ELMO1: variants seen among roughly 807,000 people sequenced by gnomAD.
ELMO1 encodes engulfment and cell motility 1.
ELMO1 carries 26 observed loss-of-function variants against 98.9 expected under a neutral mutation model. That is an observed-to-expected ratio of 0.26 (90% confidence interval 0.19 to 0.36). The LOEUF (loss-of-function observed/expected upper bound fraction) is 0.36, where lower values mean the gene tolerates loss of function less well. Ranked by LOEUF, ELMO1 falls within the 10% of genes least tolerant of loss-of-function variation. The pLI, the probability that ELMO1 is intolerant of heterozygous loss-of-function variation, is 1.00. For synonymous variants in ELMO1, 346 were observed against 346.0 expected (o/e 1.00, Z 0.00); for missense variants, 627 against 935.2 (o/e 0.67, Z 4.30).
intron 1 of ELMO1, among the ~76,000 whole-genome samples, chr7:37,372,315 CACTA>C (rs1802149602): frequency 6.6e-6 from 1 of 152,116 alleles, no homozygotes; most frequent in Non-Finnish European, 1.5e-5. Flanking sequence ...CTGGATCTAG[CACTA>C]ACTAGCCAGG....
At chr7:36,973,847 C>G (rs964929936) in intron 16 of ELMO1, among the ~76,000 whole-genome samples, 1 of 152,258 alleles carries the variant, frequency 6.6e-6, no homozygotes, top group East Asian at 1.9e-4. Flanking sequence ...GCAGCCGGCC[C>G]TGCCGTTGCC....
At chr7:37,414,458 T>C (rs1804127296) in intron 1 of ELMO1, among the ~76,000 whole-genome samples, 1 of 152,226 alleles carries the variant, frequency 6.6e-6, no homozygotes, top group Non-Finnish European at 1.5e-5. Flanking sequence ...TCCAGGTCAC[T>C]GGCTATGGTG....
chr7:36,983,634 T>C (rs1036673263), intron 16 of ELMO1, among the ~76,000 whole-genome samples: 14 of 152,232 alleles, frequency 9.2e-5, no homozygotes, highest in African/African-American at 2.7e-4. Flanking sequence ...TTAGGGCTGC[T>C]GGAAGATTCA....
chr7:37,317,974 A>T (rs914969620), intron 2 of ELMO1, among the ~76,000 whole-genome samples: 4 of 152,220 alleles, frequency 2.6e-5, no homozygotes, highest in Admixed American at 2.0e-4. Flanking sequence ...ACAAAAGTTA[A>T]AAAAATAAAT....
intron 15 of ELMO1, among the ~76,000 whole-genome samples, chr7:37,074,058 A>C (rs2129227452): frequency 6.7e-6 from 1 of 148,830 alleles, no homozygotes; most frequent in East Asian, 1.9e-4. Flanking sequence ...AAAAGTTATA[A>C]TACAGTATAA....
chr7:36,907,825 G>A (rs1390959274), intron 16 of ELMO1, among the ~76,000 whole-genome samples: 2 of 152,112 alleles, frequency 1.3e-5, no homozygotes, highest in East Asian at 3.8e-4. Context: ...TCTTTTTTCT[G>A]CTGAACCTGG....
intron 16 of ELMO1, among the ~76,000 whole-genome samples, chr7:37,000,144 T>C (rs1488645245): frequency 6.6e-6 from 1 of 152,234 alleles, no homozygotes; most frequent in Non-Finnish European, 1.5e-5. Context: ...AGTATGTCCA[T>C]TTTATATATA....
chr7:36,943,887 T>TATAC (rs1787257817), intron 16 of ELMO1, among the ~76,000 whole-genome samples: 1 of 152,180 alleles, frequency 6.6e-6, no homozygotes, highest in Admixed American at 6.5e-5. Context: ...TGAGGGTGGA[T>TATAC]ATACACTAGA....
intron 13 of ELMO1, among the ~76,000 whole-genome samples, chr7:37,156,783 T>C (rs1029118887): frequency 6.6e-6 from 1 of 152,026 alleles, no homozygotes; most frequent in African/African-American, 2.4e-5. Context: ...TTCCAATCAA[T>C]AGAAAAACAG....
rs575709760 is a variant in ELMO1 at position 36,956,605 on chromosome 7, G to A, written c.1437+56694C>T. On this transcript the variant is annotated intron_variant, in intron 16 of 21. Transcript: ENST00000310758. ...TTATAGCTCAAAAATGCACCCAGGC[G>A]TACAAGAAAACTAATTAGACTTGAA... Among the ~76,000 whole-genome samples the A allele has an allele frequency of 2.0e-4, 31 of 152,262 alleles. 1 individual carries two copies. The highest frequency in any genetic ancestry group is 8.3e-4 in the South Asian group (4 of 4,826).
At chr7:37,418,613 A>G (rs1018481959) in intron 1 of ELMO1, among the ~76,000 whole-genome samples, 29 of 152,326 alleles carry the variant, frequency 1.9e-4, no homozygotes, top group African/African-American at 6.7e-4. Context: ...GCAACTCTGT[A>G]TCTGGTGAAT....
intron 16 of ELMO1, among the ~76,000 whole-genome samples, chr7:36,996,586 T>C (rs1056780350): frequency 6.6e-6 from 1 of 152,208 alleles, no homozygotes; most frequent in Non-Finnish European, 1.5e-5. Flanking sequence ...AGAGAATGAA[T>C]GGGAACCCAT....
In ELMO1 at chr7:37,115,571, C is replaced by G. The variant is rs940006466; in HGVS notation, c.1191+17559G>C. Among the ~76,000 whole-genome samples the G allele has an allele frequency of 9.2e-5, 14 of 152,020 alleles. 1 individual carries two copies. Among genetic ancestry groups the G allele is most frequent in the African/African-American group, 3.4e-4 (14 of 41,382 alleles). ...CTCATTCATGATAAAAAAAAACTCT[C>G]AGCAAACTAAGAATAGAGCAGTTCC... On this transcript the variant is annotated intron_variant, in intron 14 of 21. Coordinates refer to ENST00000310758, the MANE Select transcript of ELMO1 (RefSeq NM_014800.11).
chr7:37,329,461 G>T (rs1799987004), intron 2 of ELMO1, among the ~76,000 whole-genome samples: 2 of 152,088 alleles, frequency 1.3e-5, no homozygotes, highest in Admixed American at 6.5e-5. Flanking sequence ...ACTCTTAAAG[G>T]TTTGGACCCA....
At chr7:37,295,914 T>C (rs562229984) in intron 4 of ELMO1, among the ~76,000 whole-genome samples, 1 of 152,352 alleles carries the variant, frequency 6.6e-6, no homozygotes, top group Non-Finnish European at 1.5e-5. Flanking sequence ...CCACATTCAA[T>C]ACGCTTTTGT....
intron 7 of ELMO1, among the ~76,000 whole-genome samples, chr7:37,234,231 T>G (rs540703815): frequency 1.6e-4 from 25 of 152,318 alleles, no homozygotes; most frequent in African/African-American, 6.0e-4. Context: ...TAAAGTTGGT[T>G]ATATAGATTT....
intron 16 of ELMO1, among the ~76,000 whole-genome samples, chr7:36,987,918 T>C (rs1209642157): frequency 6.6e-6 from 1 of 152,106 alleles, no homozygotes; most frequent in Non-Finnish European, 1.5e-5. Context: ...CCATCATGCC[T>C]GGCTAATTTT....
intron 4 of ELMO1, among the ~76,000 whole-genome samples, chr7:37,274,204 C>A (rs1796711818): frequency 6.6e-6 from 1 of 152,196 alleles, no homozygotes; most frequent in African/African-American, 2.4e-5. Flanking sequence ...CTCTTTTCAA[C>A]TCTAAAATTC....
At chr7:37,317,289 C>A (rs1465413349) in intron 2 of ELMO1, among the ~76,000 whole-genome samples, 1 of 152,194 alleles carries the variant, frequency 6.6e-6, no homozygotes, top group African/African-American at 2.4e-5. Flanking sequence ...CTCTCTCCCA[C>A]TGGAGCTCAA....
Sources: gnomAD v4.1 joint callset for allele counts (sites outside exome capture counted in the v4.1 genomes callset) on GRCh38, gnomAD v4.1.1 for gene constraint, MANE v1.5 for transcripts, NCBI Gene and HGNC (gene_info 2026-07-23, HGNC 2026-07-21) for gene names.